ITGA2B: variants seen among roughly 807,000 people sequenced by gnomAD.
The protein encoded by ITGA2B is integrin subunit alpha 2b.
ITGA2B carries 91 observed loss-of-function variants against 142.0 expected under a neutral mutation model. The observed-to-expected ratio is 0.64, with a 90% CI of 0.54 to 0.76. ITGA2B has a LOEUF of 0.76. ITGA2B is among the 30% of genes least tolerant of loss of function. The probability of loss-of-function intolerance (pLI) is 0.00; values close to 1 mark genes in which losing one functional copy is unlikely to be tolerated. For missense variants in ITGA2B, 1,231 were observed against 1,350.8 expected (o/e 0.91, Z 1.39); for synonymous variants, 536 against 567.2 (o/e 0.94, Z 0.78).
At chr17:44,377,434 T>A (rs896225345) in intron 21 of ITGA2B, among the ~76,000 whole-genome samples, 4 of 152,056 alleles carry the variant, frequency 2.6e-5, no homozygotes, top group Non-Finnish European at 5.9e-5. Flanking sequence ...GACCTCGTGA[T>A]CCACCCGTCT....
chr17:44,387,479 C>T (rs546514860), intron 1 of ITGA2B, among the ~76,000 whole-genome samples: 1 of 151,066 alleles, frequency 6.6e-6, no homozygotes, highest in East Asian at 2.0e-4. Context: ...GCCGAGATCA[C>T]CCCATTGCAC....
rs2048649248 is a variant in ITGA2B, at chr17:44,386,277, T to C, written c.189-146A>G. ...AATGACACCTCACAGACCACCGTGA[T>C]GTACTTCTTCATCTTATGGACAGTG... On this transcript the variant is annotated intron_variant, in intron 1 of 29. Coordinates refer to ENST00000262407, the MANE Select transcript of ITGA2B (RefSeq NM_000419.5). The C allele has an allele frequency of 1.3e-5, 17 of 1,266,444 alleles. No homozygotes were observed. The South Asian group carries it at 2.3e-4, about 17-fold the overall frequency. The allele number at this position is 1,266,444 out of a possible 1,614,324, so 78.5% of individuals were successfully genotyped here.
chr17:44,375,092 C>T lies in ITGA2B; in HGVS notation c.2747G>A (p.Cys916Tyr), dbSNP rs1393566865. The change falls in exon 27 of 30, where the codon TGT (cysteine) becomes TAT (tyrosine). Residue 916 changes from cysteine to tyrosine, a missense_variant. Coordinates refer to ENST00000262407, the MANE Select transcript of ITGA2B (RefSeq NM_000419.5). ...PVLVSCDSAP[C>Y]TVVQCDLQEM... ...CTGCAGGTCACACTGCACCACAGTACAGGGCGCCGAGTCGCAGCTCTGAGG... is the reference window on the plus strand; with the variant it reads ...CTGCAGGTCACACTGCACCACAGTATAGGGCGCCGAGTCGCAGCTCTGAGG... 4.5e-6 allele frequency: 7 copies of T among 1,549,072 alleles called. No individual in the cohort carries two copies. Among genetic ancestry groups the T allele is most frequent in the Non-Finnish European group, 6.1e-6 (7 of 1,146,962 alleles).
rs764532951 is a variant in ITGA2B, at chr17:44,380,860, T to C, written c.1393+19A>G. ...AGGGCCTTTCTTGGGCATTTCTAGC[T>C]GGAGGCAGTCCAGGGCACCTGGGTA... On this transcript the variant is annotated intron_variant, in intron 13 of 29. Transcript: ENST00000262407. 4 of 1,613,992 alleles carry C rather than the reference T, an allele frequency of 2.5e-6. No individual in the cohort carries two copies. In the East Asian group the frequency reaches 6.7e-5, roughly 27 times the overall value.
Position 44,380,986 on chromosome 17 carries a change from C to T in ITGA2B, c.1286G>A (p.Gly429Glu). Residue 429 changes from glycine (G) to glutamate (E), a missense_variant, in exon 13 of 30, where the codon GGG (glycine) becomes GAG (glutamate). Coordinates refer to ENST00000262407, the MANE Select transcript of ITGA2B (RefSeq NM_000419.5). Reference sequence around the variant, plus strand: ...GACCTGGGAGGGACGTGACCTCAGCCCCTCACTCTGACCCAGGAACACCAG... The same window carrying T: ...GACCTGGGAGGGACGTGACCTCAGCTCCTCACTCTGACCCAGGAACACCAG... ...QVLVFLGQSEGLRSRPSQVLD... is the reference protein window; with the variant it reads ...QVLVFLGQSEELRSRPSQVLD... 6.2e-7 allele frequency: 1 copy of T among 1,613,624 alleles called. No individual in the cohort carries two copies. Among genetic ancestry groups the T allele is most frequent in the African/African-American group, 1.3e-5 (1 of 75,052 alleles).
At chr17:44,380,722 A>G (rs1336950824) in intron 13 of ITGA2B, 77 bp from the exon 14 acceptor site, 87 of 1,603,554 alleles carry the variant, frequency 5.4e-5, no homozygotes, top group Non-Finnish European at 6.8e-5. Context: ...GGGGTTCCCC[A>G]CACCACCTCC....
chr17:44,379,975 C>T (rs758268471), intron 17 of ITGA2B, 27 bp downstream of exon 17: 1 of 1,613,004 alleles, frequency 6.2e-7, no homozygotes, highest in South Asian at 1.1e-5. Flanking sequence ...ACTCTCCCAG[C>T]CCTGCCAATC....
intron 26 of ITGA2B, 126 bp downstream of exon 26, chr17:44,375,465 G>A (rs2048532480): frequency 3.4e-6 from 4 of 1,160,536 alleles, no homozygotes; most frequent in African/African-American, 1.5e-5. Flanking sequence ...TTCACTTGAA[G>A]TGCTCCCAGG....
chr17:44,385,475 C>T (rs1344019909), intron 4 of ITGA2B, 76 bp downstream of exon 4: 2 of 1,512,624 alleles, frequency 1.3e-6, no homozygotes, highest in East Asian at 2.5e-5. Flanking sequence ...AGGGCTGCGG[C>T]GCTGGGGGCG....
At chr17:44,374,596 G>A (rs562062261) in intron 28 of ITGA2B, 63 bp downstream of exon 28, 1 of 1,543,402 alleles carries the variant, frequency 6.5e-7, no homozygotes, top group South Asian at 1.1e-5. Flanking sequence ...TTTCTGGCTG[G>A]GCACTGACTG....
At chr17:44,378,741 G>A in intron 18 of ITGA2B, 31 bp from the exon 19 acceptor site, 3 of 1,548,910 alleles carry the variant, frequency 1.9e-6, no homozygotes, top group South Asian at 1.2e-5. Flanking sequence ...GTGCGGGTAA[G>A]TTGGGGATGT....
intron 13 of ITGA2B, 81 bp downstream of exon 13, chr17:44,380,798 C>A (rs1425122974): frequency 6.3e-7 from 1 of 1,596,446 alleles, no homozygotes; most frequent in African/African-American, 1.3e-5. Context: ...GGCATGAGCC[C>A]CTGGCCGTGT....
intron 26 of ITGA2B, 92 bp from the exon 27 acceptor site, chr17:44,375,203 G>C: frequency 5.5e-6 from 6 of 1,087,604 alleles, no homozygotes; most frequent in Non-Finnish European, 8.2e-6. Flanking sequence ...CGCAGAAGGG[G>C]CCGGGGGTTC....
Position 44,389,514 on chromosome 17 carries a change from T to G in ITGA2B, c.-41A>C. 3 of 1,598,608 alleles carry G rather than the reference T, an allele frequency of 1.9e-6. No homozygotes were observed. Among genetic ancestry groups the G allele is most frequent in the Non-Finnish European group, 2.6e-6 (3 of 1,169,216 alleles). On this transcript the variant is annotated 5_prime_UTR_variant, in exon 1 of 30. Transcript: ENST00000262407. ...ACCTCCCAGGCAGGAATGGGCCAGC[T>G]CCTCCTCCTTCCCTTCAGATTCCTC...
At chr17:44,385,947 C>T (rs1440011606) in intron 2 of ITGA2B, 26 bp from the exon 3 acceptor site, 1 of 1,613,866 alleles carries the variant, frequency 6.2e-7, no homozygotes. Context: ...AGGGGTGGGG[C>T]GCTGAAGCCC....
Position 44,385,023 on chromosome 17 carries a change from T to C in ITGA2B, c.724A>G (p.Ile242Val). 1 of 1,613,796 alleles carries C rather than the reference T, an allele frequency of 6.2e-7. No homozygotes were observed. Among genetic ancestry groups the C allele is most frequent in the East Asian group, 2.2e-5 (1 of 44,848 alleles). ...ADIFSSYRPGILLWHVSSQSL... is the reference protein window; with the variant it reads ...ADIFSSYRPGVLLWHVSSQSL... ...TGGGAGGACACGTGCCACAAAAGGATGCCTGGGCGGTAACTCGAGAAAATA... is the reference window on the plus strand; with the variant it reads ...TGGGAGGACACGTGCCACAAAAGGACGCCTGGGCGGTAACTCGAGAAAATA... Residue 242 changes from isoleucine to valine, a missense_variant, in exon 7 of 30, where the codon ATC (isoleucine) becomes GTC (valine). Coordinates refer to ENST00000262407, the MANE Select transcript of ITGA2B (RefSeq NM_000419.5).
Position 44,381,334 on chromosome 17 carries a change from A to AT in ITGA2B, c.1211-274dup, listed in dbSNP as rs35617209. 0.054 allele frequency among the ~76,000 whole-genome samples: 7,903 copies of AT among 147,124 alleles called. 650 individuals are homozygous for AT. Among genetic ancestry groups the AT allele is most frequent in the African/African-American group, 0.19 (7,478 of 40,416 alleles). On this transcript the variant is annotated intron_variant, in intron 12 of 29. Transcript: ENST00000262407. ...TAAGCATCATTATTCCCTTTTCTAAATTTTTTTTTTTTTGAGATGGAGTCT... is the reference window on the plus strand; with the variant it reads ...TAAGCATCATTATTCCCTTTTCTAAATTTTTTTTTTTTTTGAGATGGAGTCT...
At position 44,378,512 on chromosome 17, in the gene ITGA2B, G is replaced by A. The variant is rs1266407535; in HGVS notation, c.1947-3C>T. ...CAACTAGGAGCGGGGAGCCCGTCCT[G>A]TGGGGAAAGAGGAGTGAAGCCAGGG... On this transcript the variant is annotated splice_polypyrimidine_tract_variant and splice_region_variant and intron_variant, in intron 19 of 29. Transcript: ENST00000262407. The A allele has an allele frequency of 6.2e-7, 1 of 1,613,656 alleles. No individual in the cohort carries two copies. Among genetic ancestry groups the A allele is most frequent in the Non-Finnish European group, 8.5e-7 (1 of 1,179,892 alleles).
In ITGA2B at chr17:44,374,771, TG is replaced by T. The variant is rs1330659096; in HGVS notation, c.2842-12del. On this transcript the variant is annotated splice_polypyrimidine_tract_variant and intron_variant, in intron 27 of 29. Coordinates refer to ENST00000262407, the MANE Select transcript of ITGA2B (RefSeq NM_000419.5). The stretch of plus-strand genomic sequence containing the variant: ...CTGATCCAGAGGCCTCTGGACAGGT[TG>T]GGGTTGAAAGCCGTTTACACCCACA... 6.2e-7 allele frequency: 1 copy of T among 1,612,556 alleles called. No homozygotes were observed. Among genetic ancestry groups the T allele is most frequent in the African/African-American group, 1.3e-5 (1 of 74,846 alleles).
Sources: gnomAD v4.1 joint callset for allele counts (sites outside exome capture counted in the v4.1 genomes callset) on GRCh38, gnomAD v4.1.1 for gene constraint, MANE v1.5 for transcripts, NCBI Gene and HGNC (gene_info 2026-07-23, HGNC 2026-07-21) for gene names.